Variants in RBMS1 observed in about 807,000 individuals in gnomAD.
The protein encoded by RBMS1 is RNA-binding motif, single-stranded-interacting protein 1.
Under a neutral mutation model 62.3 loss-of-function variants are expected in RBMS1, and 17 were observed. That is an observed-to-expected ratio of 0.27 (90% CI 0.19 to 0.41). The LOEUF (loss-of-function observed/expected upper bound fraction) is 0.41. Among genes scored for constraint, RBMS1 ranks in the 10% least tolerant of loss-of-function variants. The probability of loss-of-function intolerance (pLI) is 1.00; values close to 1 mark genes in which losing one functional copy is unlikely to be tolerated. For missense variants in RBMS1, 334 were observed against 504.5 expected (o/e 0.66, Z 3.24); for synonymous variants, 172 against 170.0 (o/e 1.01, Z -0.09).
At chr2:160,472,289 C>T (rs1684952934) in intron 1 of RBMS1, among the ~76,000 whole-genome samples, 1 of 152,096 alleles carries the variant, frequency 6.6e-6, no homozygotes, top group South Asian at 2.1e-4. Context: ...AATAAAAACC[C>T]AATACCTACA....
At chr2:160,281,753 A>AATG (rs1291786316) in intron 9 of RBMS1, 4 of 180,180 alleles carry the variant, frequency 2.2e-5, no homozygotes, top group African/African-American at 9.5e-5. Flanking sequence ...ATTACAGATG[A>AATG]ATGACGATTA....
In RBMS1 at chr2:160,433,963, G is replaced by C. The variant is rs114904198; in HGVS notation, c.75+59326C>G. ...CGTTTACTTTGGATTATGTGATAAG[G>C]ACTCAGCTCCTAATCATTTTAATCT... On this transcript the variant is annotated intron_variant, in intron 1 of 13. Transcript: ENST00000348849. 4.9e-3 allele frequency among the ~76,000 whole-genome samples: 739 copies of C among 152,246 alleles called. 3 individuals carry two copies. The highest frequency in any genetic ancestry group is 0.017 in the African/African-American group (691 of 41,544).
intron 2 of RBMS1, among the ~76,000 whole-genome samples, chr2:160,319,118 T>C (rs983368822): frequency 1.3e-5 from 2 of 152,174 alleles, no homozygotes; most frequent in African/African-American, 2.4e-5. Context: ...ACTCTCTCCA[T>C]AGTGGCCATA....
chr2:160,383,589 G>C (rs950007867), intron 1 of RBMS1, among the ~76,000 whole-genome samples: 15 of 152,136 alleles, frequency 9.9e-5, no homozygotes, highest in Admixed American at 7.9e-4. Flanking sequence ...GTAGTAATCA[G>C]ATCAGGGTAA....
At chr2:160,458,981 A>C (rs1206115043) in intron 1 of RBMS1, among the ~76,000 whole-genome samples, 1 of 152,216 alleles carries the variant, frequency 6.6e-6, no homozygotes, top group East Asian at 1.9e-4. Flanking sequence ...AGAAGTGCTC[A>C]AGCAAAAATC....
At chr2:160,352,122 T>A (rs1315745869) in intron 2 of RBMS1, among the ~76,000 whole-genome samples, 1 of 152,106 alleles carries the variant, frequency 6.6e-6, no homozygotes, top group Non-Finnish European at 1.5e-5. Flanking sequence ...AATACAACAT[T>A]ACGAAATTGA....
chr2:160,283,387 A>G (rs1271601806), intron 9 of RBMS1: 2 of 152,190 alleles, frequency 1.3e-5, no homozygotes, highest in African/African-American at 4.8e-5. Context: ...GGAATCCTAA[A>G]TCCAAAACAA....
chr2:160,309,713 C>T (rs1160577238), intron 4 of RBMS1, among the ~76,000 whole-genome samples: 2 of 152,146 alleles, frequency 1.3e-5, no homozygotes, highest in Non-Finnish European at 2.9e-5. Context: ...CAGCATGCTG[C>T]CTGGCTAGAA....
intron 1 of RBMS1, among the ~76,000 whole-genome samples, chr2:160,433,035 T>C (rs973719979): frequency 6.6e-6 from 1 of 152,100 alleles, no homozygotes; most frequent in Non-Finnish European, 1.5e-5. Context: ...TCTTCTCTTC[T>C]GAGGTTCCTG....
intron 3 of RBMS1, among the ~76,000 whole-genome samples, chr2:160,316,447 T>C (rs1176611696): frequency 6.6e-6 from 1 of 152,234 alleles, no homozygotes. Context: ...AAATAAGTTC[T>C]GAATTAGTCC....
intron 11 of RBMS1, 35 bp from the exon 12 acceptor site, chr2:160,277,418 T>G: frequency 6.5e-7 from 1 of 1,530,260 alleles, no homozygotes. Flanking sequence ...TGGGCAATGG[T>G]AAACCATGCA....
intron 1 of RBMS1, among the ~76,000 whole-genome samples, chr2:160,485,622 A>G (rs1458640748): frequency 1.3e-5 from 2 of 151,928 alleles, no homozygotes; most frequent in Non-Finnish European, 2.9e-5. Context: ...TGGAAATGCA[A>G]CTCACTTATA....
intron 1 of RBMS1, among the ~76,000 whole-genome samples, chr2:160,371,185 G>A (rs1260154002): frequency 6.6e-6 from 1 of 152,172 alleles, no homozygotes; most frequent in African/African-American, 2.4e-5. Context: ...ATTACACTTT[G>A]CGTTAGATTA....
At chr2:160,292,539 CCTTGGCTT>C (rs1175531986) in intron 6 of RBMS1, among the ~76,000 whole-genome samples, 1 of 152,148 alleles carries the variant, frequency 6.6e-6, no homozygotes, top group African/African-American at 2.4e-5. Context: ...AGAGTTGCTG[CCTTGGCTT>C]CTTACAGAAT....
chr2:160,277,348 G>A lies in RBMS1; in HGVS notation c.1098C>T (p.Tyr366=). ...TCTGCATATGTGCATACTGTGGCAA[G>A]TAGGCTCCTTGCATAGCTGACGTTG... ...MPATSAMQGA[Y]LPQYAHMQTT... is the part of the protein sequence containing the mutation. Residue 366 remains tyrosine, a synonymous_variant, in exon 12 of 14, where the codon TAC becomes TAT. Transcript: ENST00000348849. The A allele has an allele frequency of 6.2e-7, 1 of 1,613,650 alleles. No individual in the cohort carries two copies. Among genetic ancestry groups the A allele is most frequent in the Non-Finnish European group, 8.5e-7 (1 of 1,179,594 alleles).
At chr2:160,282,216 T>C (rs755905860) in intron 9 of RBMS1, 1 of 1,358,362 alleles carries the variant, frequency 7.4e-7, no homozygotes, top group African/African-American at 1.5e-5. Flanking sequence ...ACAGAGAGGA[T>C]ATGGGGAAGA....
At chr2:160,367,103 G>A in intron 2 of RBMS1, 113 bp downstream of exon 2, 2 of 1,054,700 alleles carry the variant, frequency 1.9e-6, no homozygotes, top group South Asian at 2.1e-5. Flanking sequence ...TTGTGACACT[G>A]AGAGTCCACA....
chr2:160,292,767 T>C (rs1372465352), intron 6 of RBMS1, among the ~76,000 whole-genome samples: 1 of 152,194 alleles, frequency 6.6e-6, no homozygotes. Context: ...GTGTGATCGA[T>C]GGTGATAATT....
At chr2:160,353,438 T>C (rs942506673) in intron 2 of RBMS1, among the ~76,000 whole-genome samples, 3 of 152,142 alleles carry the variant, frequency 2.0e-5, no homozygotes, top group African/African-American at 4.8e-5. Flanking sequence ...TCCTTTCCTC[T>C]GTCTGCCAAG....
Sources: gnomAD v4.1 joint callset for allele counts (sites outside exome capture counted in the v4.1 genomes callset) on GRCh38, gnomAD v4.1.1 for gene constraint, MANE v1.5 for transcripts, NCBI Gene and HGNC (gene_info 2026-07-23, HGNC 2026-07-21) for gene names.